The following IDO2 variants were observed in gnomAD, a reference collection of about 807,000 sequenced individuals.
IDO2 encodes the protein indoleamine 2,3-dioxygenase 2, also known as indoleamine 2,3-dioxygenase-like 1 protein.
In IDO2, 46 loss-of-function variants were observed where a neutral mutation model predicts 45.1. The ratio of observed to expected loss-of-function variants is 1.02; its 90% CI spans 0.80 to 1.30. The LOEUF (loss-of-function observed/expected upper bound fraction) is 1.30. Among genes scored for constraint, IDO2 ranks in the 50% most tolerant of loss-of-function variants. The pLI is 0.00. For synonymous variants in IDO2, 218 were observed against 184.9 expected (o/e 1.18, Z -1.45); for missense variants, 544 against 491.8 (o/e 1.11, Z -1.00).
chr8:39,952,659 G>A (rs1425935386), intron 2 of IDO2, among the ~76,000 whole-genome samples: 1 of 152,082 alleles, frequency 6.6e-6, no homozygotes, highest in Non-Finnish European at 1.5e-5. Context: ...TGGAGGGAGG[G>A]CTAATTTTTC....
At chr8:40,015,544 G>C in exon 11 of IDO2, 1 of 1,613,978 alleles carries the variant, frequency 6.2e-7, no homozygotes, top group Non-Finnish European at 8.5e-7. Flanking sequence ...GCAGTTATGA[G>C]CTTTCTTAAG....
chr8:40,012,406 A>T (rs6474201), intron 9 of IDO2, among the ~76,000 whole-genome samples: 14,888 of 152,198 alleles, frequency 0.098, 1,143 homozygotes, highest in African/African-American at 0.21. Flanking sequence ...TAACAGTATG[A>T]CCCTGGAACC....
chr8:39,998,444 C>G (rs537604536), intron 8 of IDO2: 29 of 152,196 alleles, frequency 1.9e-4, no homozygotes, highest in African/African-American at 6.7e-4. Context: ...GGGCAGTCTT[C>G]GGAAATTCCC....
Position 39,985,202 on chromosome 8 carries a change from T to G in IDO2, c.435-306T>G, listed in dbSNP as rs1808406200. The G allele has an allele frequency of 9.8e-6, 4 of 409,926 alleles. No individual in the cohort carries two copies. The Admixed American group carries it at 1.7e-4, about 17-fold the overall frequency. The allele number at this position is 409,926 out of a possible 1,614,324, so 25.4% of individuals were successfully genotyped here. A position where few individuals can be genotyped will look rare whatever the true frequency, so the allele number is the denominator to read the frequency against. ...CCTCAGCCTTCCAAAGTGCTAGGATTACAGGCATGAGCCACTGTGCCCAGC... is the reference window on the plus strand; with the variant it reads ...CCTCAGCCTTCCAAAGTGCTAGGATGACAGGCATGAGCCACTGTGCCCAGC... On this transcript the variant is annotated intron_variant, in intron 5 of 10. Transcript: ENST00000502986.
At position 39,935,234 on chromosome 8, in the gene IDO2, ACTT is replaced by A; in HGVS notation, c.-18+20_-18+22del. ...CATTATTATGGTAAGTACACTGGTA[ACTT>A]CTTTTCTAACCTCGTATGCATAATG... On this transcript the variant is annotated intron_variant, in intron 1 of 10. Transcript: ENST00000502986. 1 of 1,607,518 alleles carries A rather than the reference ACTT, an allele frequency of 6.2e-7. No individual in the cohort carries two copies.
intron 8 of IDO2, among the ~76,000 whole-genome samples, chr8:39,999,743 G>A (rs181306011): frequency 5.9e-5 from 9 of 152,192 alleles, no homozygotes; most frequent in African/African-American, 1.7e-4. Flanking sequence ...GATTACAGGC[G>A]GGAGCCACCA....
chr8:39,991,262 C>T (rs2129594824), intron 8 of IDO2, among the ~76,000 whole-genome samples: 1 of 152,256 alleles, frequency 6.6e-6, no homozygotes, highest in Non-Finnish European at 1.5e-5. Flanking sequence ...TTAAAGCCCT[C>T]ATGATCACAT....
At chr8:39,978,916 G>A (rs1018914125) in intron 3 of IDO2, 151 bp from the exon 4 acceptor site, 2 of 667,972 alleles carry the variant, frequency 3.0e-6, no homozygotes, top group African/African-American at 3.6e-5. Context: ...GGATAAATGG[G>A]TGTGTGTGCG....
At chr8:39,997,412 G>A (rs960159249) in intron 8 of IDO2, among the ~76,000 whole-genome samples, 5 of 152,086 alleles carry the variant, frequency 3.3e-5, no homozygotes, top group African/African-American at 1.2e-4. Context: ...GGTGGCTCAT[G>A]CCTGTAATCC....
intron 1 of IDO2, among the ~76,000 whole-genome samples, chr8:39,942,775 G>A (rs34137953): frequency 0.17 from 26,137 of 152,074 alleles, 2,823 homozygotes; most frequent in South Asian, 0.32. Context: ...TGGGTGATTC[G>A]TGTTTAATGA....
In IDO2 at chr8:39,949,195, A is replaced by G. The variant is rs759053095; in HGVS notation, c.30A>G (p.Thr10=). 27 of 1,608,898 alleles carry G rather than the reference A, an allele frequency of 1.7e-5. No individual in the cohort carries two copies. The South Asian group carries it at 1.8e-4, about 11-fold the overall frequency. ...AGCCCCACAGACCGAATGTGAAGAC[A>G]GCAGTGCCATTGTCTTTGGAAAGCT... is the stretch of plus-strand genomic sequence containing the variant. Residue 10 remains threonine (T), a synonymous_variant, in exon 2 of 11, where the codon ACA becomes ACG. Coordinates refer to ENST00000502986, the Ensembl canonical transcript of IDO2.
chr8:39,961,053 G>T (rs979558749), intron 2 of IDO2, among the ~76,000 whole-genome samples: 1 of 152,166 alleles, frequency 6.6e-6, no homozygotes. Context: ...AAAGAGTTGG[G>T]ATTATAGGCG....
rs113430127 is a variant in IDO2, at chr8:40,013,014, G to T, written c.720-551G>T. Among the ~76,000 whole-genome samples the T allele has an allele frequency of 2.0e-3, 311 of 152,236 alleles. 4 individuals carry two copies. The highest frequency in any genetic ancestry group is 7.0e-3 in the African/African-American group (291 of 41,536). On this transcript the variant is annotated intron_variant, in intron 9 of 10. Coordinates refer to ENST00000502986, the Ensembl canonical transcript of IDO2. ...CAAAGTTGAGTAATATCCAGAATTG[G>T]TAGTTTAACGTGATGACTTCTTAAC...
rs1807519126 is a variant in IDO2, at chr8:39,934,705, A to C, written c.-531A>C. On this transcript the variant is annotated 5_prime_UTR_variant, in exon 1 of 11. The change abolishes the stop of an existing upstream ORF in the 5' untranslated region. Coordinates refer to ENST00000502986, the Ensembl canonical transcript of IDO2. ...ATGTGGAGCAAGGGCCCAAGCTTTT[A>C]AAAACAAGAGCTCAGAGACATGGCC... 1 of 186,804 alleles carries C rather than the reference A, an allele frequency of 5.4e-6. No homozygotes were observed. Among genetic ancestry groups the C allele is most frequent in the Non-Finnish European group, 1.1e-5 (1 of 89,796 alleles). 11.6% of individuals were successfully genotyped at this position (186,804 alleles called of 1,614,324 possible). A position where few individuals can be genotyped will look rare whatever the true frequency, so the allele number is the denominator to read the frequency against.
intron 4 of IDO2, among the ~76,000 whole-genome samples, chr8:39,979,770 T>C (rs1200584714): frequency 2.0e-5 from 3 of 152,248 alleles, no homozygotes; most frequent in Non-Finnish European, 1.5e-5. Flanking sequence ...TTTGTTTGTT[T>C]GTTTTTGGCA....
chr8:40,014,486 C>A (rs1802356624), intron 10 of IDO2, among the ~76,000 whole-genome samples: 1 of 151,980 alleles, frequency 6.6e-6, no homozygotes, highest in Admixed American at 6.6e-5. Flanking sequence ...TCTTTTTTGC[C>A]TTCACGGGCT....
intron 2 of IDO2, among the ~76,000 whole-genome samples, chr8:39,950,238 G>A (rs573500866): frequency 9.2e-5 from 14 of 152,168 alleles, no homozygotes; most frequent in Non-Finnish European, 1.8e-4. Context: ...GTTAAAAATC[G>A]TGGGGTCCAG....
intron 5 of IDO2, chr8:39,985,300 T>C (rs2129594608): frequency 3.4e-6 from 2 of 586,782 alleles, no homozygotes; most frequent in African/African-American, 1.9e-5. Flanking sequence ...TCGCTCACCC[T>C]TTATCACATA....
At chr8:39,995,276 CTTCTTCTTCTTCTTTTTT>C (rs1370681383) in intron 8 of IDO2, 3 of 135,694 alleles carry the variant, frequency 2.2e-5, no homozygotes, top group Admixed American at 7.7e-5. Context: ...TCTTCTTCTT[CTTCTTCTTCTTCTTTTTT>C]TTTTGAGATG....
Sources: gnomAD v4.1 joint callset for allele counts (sites outside exome capture counted in the v4.1 genomes callset) on GRCh38, gnomAD v4.1.1 for gene constraint, MANE v1.5 for transcripts, NCBI Gene and HGNC (gene_info 2026-07-23, HGNC 2026-07-21) for gene names.